ATP9A: variants seen among roughly 807,000 people sequenced by gnomAD.
The protein encoded by ATP9A is ATPase phospholipid transporting 9A.
Under a neutral mutation model 144.1 loss-of-function variants are expected in ATP9A, and 52 were observed. The observed-to-expected ratio is 0.36, with a 90% CI of 0.29 to 0.45. ATP9A has a LOEUF of 0.45. ATP9A is among the 20% of genes least tolerant of loss of function. ATP9A has a pLI of 1.00. For synonymous variants in ATP9A, 582 were observed against 557.4 expected (o/e 1.04, Z -0.62); for missense variants, 947 against 1,392.7 (o/e 0.68, Z 5.09).
intron 13 of ATP9A, among the ~76,000 whole-genome samples, chr20:51,662,827 T>C (rs962882897): frequency 6.6e-6 from 1 of 151,940 alleles, no homozygotes; most frequent in Non-Finnish European, 1.5e-5. Context: ...TCCCAGCACT[T>C]TGGGAGGCTG....
At chr20:51,725,097 C>T (rs1334444978) in intron 3 of ATP9A, among the ~76,000 whole-genome samples, 1 of 151,558 alleles carries the variant, frequency 6.6e-6, no homozygotes, top group Non-Finnish European at 1.5e-5. Context: ...TTAGATTTTA[C>T]ATTTATTTAT....
At chr20:51,637,638 G>C (rs777103461) in intron 15 of ATP9A, among the ~76,000 whole-genome samples, 1 of 152,106 alleles carries the variant, frequency 6.6e-6, no homozygotes, top group Non-Finnish European at 1.5e-5. Flanking sequence ...CAGCAGGCAG[G>C]GGGCAGGGCC....
At chr20:51,637,538 C>G (rs369289273) in intron 15 of ATP9A, among the ~76,000 whole-genome samples, 1 of 151,950 alleles carries the variant, frequency 6.6e-6, no homozygotes, top group Non-Finnish European at 1.5e-5. Context: ...GGAAGAAGAA[C>G]GAGATGCTGT....
At chr20:51,755,551 G>A (rs1263169080) in intron 1 of ATP9A, among the ~76,000 whole-genome samples, 3 of 152,194 alleles carry the variant, frequency 2.0e-5, no homozygotes, top group African/African-American at 4.8e-5. Context: ...GACCAGCTTG[G>A]TGGAAGTATA....
At chr20:51,634,699 T>C (rs773101586) in intron 15 of ATP9A, among the ~76,000 whole-genome samples, 9 of 151,684 alleles carry the variant, frequency 5.9e-5, no homozygotes, top group South Asian at 2.1e-4. Context: ...CTACTAAAAA[T>C]ACGAAATTAG....
chr20:51,751,264 T>G (rs1276663849), intron 1 of ATP9A, among the ~76,000 whole-genome samples: 2 of 146,970 alleles, frequency 1.4e-5, no homozygotes, highest in Non-Finnish European at 3.0e-5. Context: ...TTTTTTTGTT[T>G]TTTTTTTTTT....
At chr20:51,606,805 G>A (rs2077165454) in intron 26 of ATP9A, among the ~76,000 whole-genome samples, 1 of 152,002 alleles carries the variant, frequency 6.6e-6, no homozygotes, top group African/African-American at 2.4e-5. Context: ...TGAGCCTGGG[G>A]AGGTCGAGGC....
intron 1 of ATP9A, among the ~76,000 whole-genome samples, chr20:51,762,752 G>A (rs555069476): frequency 2.1e-4 from 27 of 127,494 alleles, no homozygotes; most frequent in East Asian, 1.1e-3. Context: ...CTCTGTTGCC[G>A]AGGCTGGAGT....
At chr20:51,605,777 G>A (rs981830827) in intron 26 of ATP9A, among the ~76,000 whole-genome samples, 2 of 151,834 alleles carry the variant, frequency 1.3e-5, no homozygotes, top group Non-Finnish European at 2.9e-5. Context: ...GCTGGACGTG[G>A]AAGCGCATGC....
At position 51,625,184 on chromosome 20, in the gene ATP9A, C is replaced by T. The variant is rs777418690; in HGVS notation, c.2016+8G>A. 13 of 1,606,462 alleles carry T rather than the reference C, an allele frequency of 8.1e-6. No homozygotes were observed. In the South Asian group the frequency reaches 1.2e-4, roughly 15 times the overall value. On this transcript the variant is annotated splice_region_variant and intron_variant, in intron 18 of 27. Transcript: ENST00000338821. ...GGAGTGCCCTTCCCTGCGGGCAGCC[C>T]GCCCTACCTTGATGCCAGCATTCCT... is the stretch of plus-strand genomic sequence containing the variant.
intron 1 of ATP9A, among the ~76,000 whole-genome samples, chr20:51,760,587 C>A (rs190796004): frequency 6.6e-6 from 1 of 152,084 alleles, no homozygotes; most frequent in East Asian, 1.9e-4. Flanking sequence ...ATTAGCCGGG[C>A]ATACTGGTAG....
intron 4 of ATP9A, among the ~76,000 whole-genome samples, chr20:51,702,552 G>C (rs1252903650): frequency 6.6e-6 from 1 of 152,072 alleles, no homozygotes; most frequent in Non-Finnish European, 1.5e-5. Context: ...TTGGCTGTCA[G>C]TATTTGACTA....
At chr20:51,612,443 G>C (rs2077188364) in intron 23 of ATP9A, among the ~76,000 whole-genome samples, 1 of 152,118 alleles carries the variant, frequency 6.6e-6, no homozygotes, top group South Asian at 2.1e-4. Flanking sequence ...TGTTGTTTTT[G>C]AGATGGAGTC....
chr20:51,634,637 C>T (rs1180605690), intron 15 of ATP9A, among the ~76,000 whole-genome samples: 2 of 151,930 alleles, frequency 1.3e-5, no homozygotes, highest in Non-Finnish European at 2.9e-5. Context: ...GGGTGGATCA[C>T]CTGAGGTCGG....
At chr20:51,668,513 GA>G (rs1448110390) in intron 13 of ATP9A, among the ~76,000 whole-genome samples, 2 of 152,016 alleles carry the variant, frequency 1.3e-5, no homozygotes, top group Non-Finnish European at 2.9e-5. Flanking sequence ...GCCATCCGGG[GA>G]ACAACATAAC....
chr20:51,625,466 G>T, intron 17 of ATP9A, 104 bp from the exon 18 acceptor site: 6 of 1,318,598 alleles, frequency 4.6e-6, no homozygotes, highest in African/African-American at 1.5e-5. Context: ...CCACCACACG[G>T]GGTGGGGGAC....
intron 14 of ATP9A, among the ~76,000 whole-genome samples, chr20:51,644,267 C>CTTTTTTTTT (rs772071945): frequency 6.6e-5 from 5 of 76,000 alleles, no homozygotes; most frequent in Non-Finnish European, 1.0e-4. Context: ...TTACTTCTAG[C>CTTTTTTTTT]TTTTTTTTTT....
chr20:51,681,481 G>T (rs2077499673), intron 9 of ATP9A, among the ~76,000 whole-genome samples: 1 of 148,210 alleles, frequency 6.7e-6, no homozygotes, highest in Non-Finnish European at 1.5e-5. Context: ...GAGTGCAGTG[G>T]TGCAATTTCG....
chr20:51,736,158 G>A (rs1469881979), intron 1 of ATP9A, among the ~76,000 whole-genome samples: 1 of 152,232 alleles, frequency 6.6e-6, no homozygotes, highest in Non-Finnish European at 1.5e-5. Flanking sequence ...TCCGGAGGTG[G>A]GAGGCAGCCT....
Sources: allele counts gnomAD v4.1 joint callset (sites outside exome capture counted in the v4.1 genomes callset), GRCh38; gene constraint gnomAD v4.1.1; transcripts MANE v1.5; gene names NCBI Gene and HGNC (gene_info 2026-07-23, HGNC 2026-07-21).